UVRAG: variants seen among roughly 807,000 people sequenced by gnomAD.
UVRAG encodes UV radiation resistance associated.
Under a neutral mutation model 78.0 loss-of-function variants are expected in UVRAG, and 19 were observed. That is an observed-to-expected ratio of 0.24 (90% CI 0.17 to 0.36). The LOEUF is 0.36. Ranked by LOEUF, UVRAG falls within the 10% of genes least tolerant of loss-of-function variation. The probability of loss-of-function intolerance (pLI) is 1.00; values close to 1 mark genes in which losing one functional copy is unlikely to be tolerated. For missense variants in UVRAG, 740 were observed against 853.8 expected, an observed-to-expected ratio of 0.87 and a Z score of 1.66; for synonymous variants, 323 against 324.6, an observed-to-expected ratio of 1.00 and a Z score of 0.05.
chr11:75,877,569 C>CT (rs1176229434), intron 3 of UVRAG, among the ~76,000 whole-genome samples: 1 of 145,974 alleles, frequency 6.9e-6, no homozygotes, highest in Non-Finnish European at 1.5e-5. Flanking sequence ...CTGACCCCCC[C>CT]CACCTCCCTC....
At chr11:76,087,928 G>T (rs183570840) in intron 13 of UVRAG, among the ~76,000 whole-genome samples, 2 of 152,164 alleles carry the variant, frequency 1.3e-5, no homozygotes, top group South Asian at 2.1e-4. Context: ...AGACTGGAGC[G>T]CAGTGGTGCA....
intron 13 of UVRAG, among the ~76,000 whole-genome samples, chr11:76,103,505 C>T (rs539955866): frequency 1.3e-5 from 2 of 149,978 alleles, no homozygotes; most frequent in South Asian, 4.2e-4. Context: ...CTGTGAGGAA[C>T]AGTGTGCACT....
intron 3 of UVRAG, among the ~76,000 whole-genome samples, chr11:75,868,579 A>G (rs1403963532): frequency 6.6e-6 from 1 of 152,210 alleles, no homozygotes; most frequent in African/African-American, 2.4e-5. Flanking sequence ...TGGTGAATGT[A>G]TAGTTCAGTG....
Position 75,995,909 on chromosome 11 carries a change from CA to C in UVRAG, c.827-8088del, listed in dbSNP as rs1457270517. 2.0e-5 allele frequency among the ~76,000 whole-genome samples: 3 copies of C among 151,642 alleles called. No homozygotes were observed. In the East Asian group the frequency reaches 5.8e-4, roughly 29 times the overall value. On this transcript the variant is annotated intron_variant, in intron 8 of 14. Transcript: ENST00000356136. ...TTCAAAATTATTAATATCTAACTTT[CA>C]AAAAAAAGTCTGGACCTGAGGACAG...
intron 13 of UVRAG, among the ~76,000 whole-genome samples, chr11:76,079,660 G>A (rs1951463613): frequency 6.6e-6 from 1 of 152,188 alleles, no homozygotes; most frequent in African/African-American, 2.4e-5. Flanking sequence ...TTTATGTAGT[G>A]CCTTACAGTT....
rs549408789 is a variant in UVRAG at position 76,112,704 on chromosome 11, T to G, written c.1306-3220T>G. Among the ~76,000 whole-genome samples the G allele has an allele frequency of 5.4e-4, 82 of 151,816 alleles. 1 individual carries two copies. Among genetic ancestry groups the G allele is most frequent in the African/African-American group, 2.2e-4 (9 of 41,250 alleles). ...GTTAGATTGAGAAGAGTTTTAAGGT[T>G]TTTTATTCTATTTCTTTTTTCTTTT... On this transcript the variant is annotated intron_variant, in intron 13 of 14. Transcript: ENST00000356136.
intron 14 of UVRAG, chr11:76,137,292 C>G (rs1424589215): frequency 4.4e-6 from 2 of 454,876 alleles, no homozygotes; most frequent in Non-Finnish European, 8.8e-6. Flanking sequence ...AGAGGGGACT[C>G]GAAGAACCCA....
intron 12 of UVRAG, among the ~76,000 whole-genome samples, chr11:76,056,732 G>A (rs1023424355): frequency 3.9e-5 from 6 of 152,172 alleles, no homozygotes; most frequent in African/African-American, 1.4e-4. Flanking sequence ...AGGTGTTACT[G>A]ATGCTCCCTT....
Position 76,140,923 on chromosome 11 carries a change from T to C in UVRAG, c.1610T>C (p.Met537Thr). Residue 537 changes from methionine (M) to threonine (T), a missense_variant, in exon 15 of 15, where the codon ATG becomes ACG. By Grantham distance (81) the Met-to-Thr change is moderately conservative. Transcript: ENST00000356136. Reference sequence around the variant, plus strand: ...CAGCCTGTGACCACCGTCCCCTCCATGGGAGAGACCGAGAGAAAGATAACA... The same window carrying C: ...CAGCCTGTGACCACCGTCCCCTCCACGGGAGAGACCGAGAGAAAGATAACA... The part of the protein sequence containing the change: ...LAQPVTTVPS[M>T]GETERKITSL... The C allele has an allele frequency of 6.2e-7, 1 of 1,614,162 alleles. No individual in the cohort carries two copies.
intron 10 of UVRAG, 151 bp downstream of exon 10, chr11:76,007,772 T>G (rs1591125819): frequency 3.1e-6 from 2 of 649,588 alleles, no homozygotes; most frequent in East Asian, 5.5e-5. Flanking sequence ...AAAACATAGA[T>G]TTAGACTTGT....
At chr11:75,969,297 A>G (rs1949082957) in intron 7 of UVRAG, among the ~76,000 whole-genome samples, 1 of 152,198 alleles carries the variant, frequency 6.6e-6, no homozygotes, top group Admixed American at 6.5e-5. Context: ...AGCTTCATCC[A>G]TGGTGTAGCA....
intron 13 of UVRAG, among the ~76,000 whole-genome samples, chr11:76,088,521 T>C (rs1180345785): frequency 1.8e-5 from 2 of 112,992 alleles, no homozygotes; most frequent in Non-Finnish European, 3.3e-5. Flanking sequence ...GCAACAAGAC[T>C]CTTTTGCATG....
At chr11:75,998,461 T>C (rs555098734) in intron 8 of UVRAG, among the ~76,000 whole-genome samples, 1 of 152,288 alleles carries the variant, frequency 6.6e-6, no homozygotes, top group African/African-American at 2.4e-5. Flanking sequence ...CCTTCCAGCC[T>C]CTGCCTAAGA....
At chr11:75,875,057 G>C (rs1465787921) in intron 3 of UVRAG, among the ~76,000 whole-genome samples, 1 of 152,192 alleles carries the variant, frequency 6.6e-6, no homozygotes, top group Non-Finnish European at 1.5e-5. Context: ...TTTATGCTTA[G>C]ATACCTCAAG....
chr11:76,115,776 A>G (rs1276292782), intron 13 of UVRAG, 148 bp from the exon 14 acceptor site: 2 of 661,218 alleles, frequency 3.0e-6, no homozygotes, highest in African/African-American at 1.8e-5. Flanking sequence ...AATACCCAGT[A>G]AGTGGAAAGT....
chr11:75,889,793 A>G (rs766152861), intron 5 of UVRAG, among the ~76,000 whole-genome samples: 1 of 152,238 alleles, frequency 6.6e-6, no homozygotes, highest in Non-Finnish European at 1.5e-5. Flanking sequence ...TATATATGCA[A>G]GAGGCAAACA....
At chr11:76,015,318 A>T (rs1950126341) in intron 11 of UVRAG, among the ~76,000 whole-genome samples, 1 of 152,192 alleles carries the variant, frequency 6.6e-6, no homozygotes, top group Non-Finnish European at 1.5e-5. Flanking sequence ...CCTGGGCAAC[A>T]TAGTGAGACC....
At chr11:75,833,563 C>T (rs570324383) in intron 1 of UVRAG, among the ~76,000 whole-genome samples, 11 of 149,582 alleles carry the variant, frequency 7.4e-5, no homozygotes, top group African/African-American at 2.0e-4. Flanking sequence ...AACCCAGCGG[C>T]GCTAGAGGAA....
intron 14 of UVRAG, among the ~76,000 whole-genome samples, chr11:76,116,489 T>C (rs1299351500): frequency 6.6e-6 from 1 of 152,212 alleles, no homozygotes; most frequent in Admixed American, 6.5e-5. Flanking sequence ...CTGAAATGTT[T>C]CTTGTGTGTG....
Sources: gnomAD v4.1 joint callset for allele counts (sites outside exome capture counted in the v4.1 genomes callset) on GRCh38, gnomAD v4.1.1 for gene constraint, MANE v1.5 for transcripts, NCBI Gene and HGNC (gene_info 2026-07-23, HGNC 2026-07-21) for gene names.